Variants in OSBPL10 observed in about 807,000 individuals in gnomAD.
OSBPL10 encodes oxysterol binding protein like 10, also known as oxysterol-binding protein-related protein 10.
OSBPL10 carries 49 observed loss-of-function variants against 81.7 expected under a neutral mutation model. The ratio of observed to expected loss-of-function variants is 0.60; its 90% confidence interval spans 0.48 to 0.76. The LOEUF (loss-of-function observed/expected upper bound fraction) is 0.76, where lower values mean the gene tolerates loss of function less well. OSBPL10 is among the 30% of genes least tolerant of loss of function. The probability of loss-of-function intolerance (pLI) is 0.00; values close to 1 mark genes in which losing one functional copy is unlikely to be tolerated. For missense variants in OSBPL10, 923 were observed against 987.8 expected (o/e 0.93, Z 0.88); for synonymous variants, 419 against 383.6 (o/e 1.09, Z -1.08).
chr3:31,876,400 C>CGAAT, intron 3 of OSBPL10, 33 bp downstream of exon 3: 1 of 1,551,322 alleles, frequency 6.4e-7, no homozygotes. Context: ...GCTGGTTATT[C>CGAAT]GAATGCCTCC....
chr3:31,861,003 T>C (rs1701044867), intron 3 of OSBPL10, among the ~76,000 whole-genome samples: 2 of 151,942 alleles, frequency 1.3e-5, no homozygotes, highest in Non-Finnish European at 1.5e-5. Context: ...GAACCACACA[T>C]GGGCAAAAAT....
chr3:31,741,340 C>A (rs1697343585), intron 5 of OSBPL10, among the ~76,000 whole-genome samples: 1 of 152,260 alleles, frequency 6.6e-6, no homozygotes, highest in East Asian at 1.9e-4. Flanking sequence ...TCTCGGCTCA[C>A]TGCAACCTCC....
rs528353144 is a variant in OSBPL10, at chr3:32,053,417, AAAGGGGTATTACT to A, written n.186-6827_186-6815del. On this transcript the variant is annotated intron_variant and non_coding_transcript_variant, in intron 1 of 3. Transcript: ENST00000479173. ...GTGTGTGAACATACTGGCTAAAGTTAAAGGGGTATTACTCAGTTTTTCTGTAAATTGGACATTG... is the reference window on the plus strand; with the variant it reads ...GTGTGTGAACATACTGGCTAAAGTTACAGTTTTTCTGTAAATTGGACATTG... 3.2e-3 allele frequency among the ~76,000 whole-genome samples: 494 copies of A among 152,368 alleles called. 1 individual carries two copies. Among genetic ancestry groups the A allele is most frequent in the Non-Finnish European group, 5.9e-3 (404 of 68,038 alleles).
intron 1 of OSBPL10, among the ~76,000 whole-genome samples, chr3:31,972,147 G>A (rs377464017): frequency 2.6e-5 from 4 of 152,198 alleles, no homozygotes; most frequent in Non-Finnish European, 4.4e-5. Context: ...CCAGCACTTC[G>A]GGAGGCCAAG....
chr3:31,760,866 T>C (rs2125720908), intron 4 of OSBPL10, among the ~76,000 whole-genome samples: 1 of 152,336 alleles, frequency 6.6e-6, no homozygotes, highest in Admixed American at 6.5e-5. Context: ...ATGTTTAACT[T>C]TTTTCTCTAT....
intron 2 of OSBPL10, among the ~76,000 whole-genome samples, chr3:31,876,898 T>G (rs1051826796): frequency 6.7e-6 from 1 of 148,238 alleles, no homozygotes; most frequent in Non-Finnish European, 1.5e-5. Flanking sequence ...GAGTATCAAA[T>G]GGCACTTTTT....
intron 4 of OSBPL10, among the ~76,000 whole-genome samples, chr3:31,754,620 C>T (rs1697834446): frequency 6.6e-6 from 1 of 152,270 alleles, no homozygotes; most frequent in Non-Finnish European, 1.5e-5. Flanking sequence ...CGTCAATGAG[C>T]TTACTGCAGG....
intron 4 of OSBPL10, among the ~76,000 whole-genome samples, chr3:31,820,116 T>C (rs1268249378): frequency 6.6e-6 from 1 of 152,178 alleles, no homozygotes; most frequent in Non-Finnish European, 1.5e-5. Flanking sequence ...CTTGTCTTAA[T>C]ATAGGGAAAA....
intron 2 of OSBPL10, among the ~76,000 whole-genome samples, chr3:31,997,290 C>T (rs971709358): frequency 2.6e-5 from 4 of 151,212 alleles, no homozygotes; most frequent in Non-Finnish European, 5.9e-5. Context: ...GATGGAGTCT[C>T]GCCCTCACTC....
chr3:31,781,258 C>T (rs905092168), intron 4 of OSBPL10, among the ~76,000 whole-genome samples: 13 of 152,102 alleles, frequency 8.5e-5, no homozygotes, highest in Admixed American at 7.9e-4. Context: ...TGACAAAATC[C>T]AGCATTACTT....
chr3:31,954,543 A>T (rs952522744), intron 1 of OSBPL10, among the ~76,000 whole-genome samples: 1 of 152,210 alleles, frequency 6.6e-6, no homozygotes, highest in Non-Finnish European at 1.5e-5. Context: ...GTGTGATTCC[A>T]TTTATATGAA....
In OSBPL10 at chr3:31,776,570, G is replaced by A. The variant is rs1266806457; in HGVS notation, c.730-28450C>T. Reference sequence around the variant, plus strand: ...GCAGCCCAAATGTCCACCAACAGATGAATGGATAAATGTGGTATATCCACA... The same window carrying A: ...GCAGCCCAAATGTCCACCAACAGATAAATGGATAAATGTGGTATATCCACA... On this transcript the variant is annotated intron_variant, in intron 4 of 11. Transcript: ENST00000396556. Among the ~76,000 whole-genome samples the A allele has an allele frequency of 2.6e-5, 4 of 152,136 alleles. No homozygotes were observed. In the East Asian group the frequency reaches 7.7e-4, roughly 29 times the overall value.
chr3:32,048,653 C>A (rs1319140476), intron 1 of OSBPL10, among the ~76,000 whole-genome samples: 1 of 152,002 alleles, frequency 6.6e-6, no homozygotes, highest in Non-Finnish European at 1.5e-5. Flanking sequence ...TTTCTCTATA[C>A]CCCTTTAAAT....
At position 32,052,846 on chromosome 3, in the gene OSBPL10, A is replaced by G. The variant is rs1258728082; in HGVS notation, n.186-6243T>C. 5.3e-5 allele frequency among the ~76,000 whole-genome samples: 8 copies of G among 152,190 alleles called. No homozygotes were observed. In the South Asian group the frequency reaches 1.2e-3, roughly 24 times the overall value. On this transcript the variant is annotated intron_variant and non_coding_transcript_variant, in intron 1 of 3. Transcript: ENST00000479173. The stretch of plus-strand genomic sequence containing the variant: ...AGGGAGAGAATTAGGACAAATATCT[A>G]AAGCATGCGGGGCTTAAAACCTAGA...
intron 3 of OSBPL10, among the ~76,000 whole-genome samples, chr3:31,848,078 C>T (rs1249675150): frequency 6.6e-6 from 1 of 152,094 alleles, no homozygotes; most frequent in Non-Finnish European, 1.5e-5. Context: ...GGCAAAGTCA[C>T]AGGTGTCGCC....
At position 31,678,087 on chromosome 3, in the gene OSBPL10, C is replaced by CAAAA. The variant is rs1174037204; in HGVS notation, c.1726+5543_1726+5546dup. ...TGGGCGACAGAGCGAGACTCCGTCT[C>CAAAA]AAAAAAAAAAAAAAAAAAAAAGACA... On this transcript the variant is annotated intron_variant, in intron 8 of 11. Coordinates refer to ENST00000396556, the MANE Select transcript of OSBPL10 (RefSeq NM_017784.5). 0.012 allele frequency among the ~76,000 whole-genome samples: 917 copies of CAAAA among 76,320 alleles called. 124 individuals are homozygous for CAAAA. The East Asian group carries it at 0.27, about 22-fold the overall frequency. 50.1% of individuals were successfully genotyped at this position (76,320 alleles called of 152,430 possible). A position where few individuals can be genotyped will look rare whatever the true frequency, so the allele number is the denominator to read the frequency against.
intron 4 of OSBPL10, among the ~76,000 whole-genome samples, chr3:31,805,203 C>A (rs932272515): frequency 2.6e-5 from 4 of 152,094 alleles, no homozygotes; most frequent in East Asian, 1.9e-4. Context: ...TTGAGATGAA[C>A]CTTTAAAACA....
chr3:31,690,409 A>C (rs749316901), intron 7 of OSBPL10, among the ~76,000 whole-genome samples: 10 of 152,092 alleles, frequency 6.6e-5, no homozygotes, highest in Non-Finnish European at 1.3e-4. Context: ...TTTATAAATT[A>C]CTCAGTTTCA....
At chr3:31,922,015 T>C (rs1057354267) in intron 1 of OSBPL10, among the ~76,000 whole-genome samples, 2 of 152,218 alleles carry the variant, frequency 1.3e-5, no homozygotes, top group African/African-American at 4.8e-5. Context: ...ACCTGACTAG[T>C]AGTCCTCAAA....
Sources: allele counts gnomAD v4.1 joint callset (sites outside exome capture counted in the v4.1 genomes callset), GRCh38; gene constraint gnomAD v4.1.1; transcripts MANE v1.5; gene names NCBI Gene and HGNC (gene_info 2026-07-23, HGNC 2026-07-21).